BICD1: variants seen among roughly 807,000 people sequenced by gnomAD.
The protein encoded by BICD1 is protein bicaudal D homolog 1.
Under a neutral mutation model 92.5 loss-of-function variants are expected in BICD1, and 35 were observed. That is an observed-to-expected ratio of 0.38 (90% CI 0.29 to 0.50). The LOEUF (loss-of-function observed/expected upper bound fraction) is 0.50. Ranked by LOEUF, BICD1 falls within the 20% of genes least tolerant of loss-of-function variation. The pLI is 0.93. For missense variants in BICD1, 950 were observed against 1,189.8 expected, an observed-to-expected ratio of 0.80 and a Z score of 2.97; for synonymous variants, 429 against 465.1, an observed-to-expected ratio of 0.92 and a Z score of 1.00.
rs572627504 is a variant in BICD1, at chr12:32,267,800, C to T, written c.427-26194C>T. 1.9e-4 allele frequency among the ~76,000 whole-genome samples: 29 copies of T among 152,116 alleles called. 1 individual carries two copies. In the East Asian group the frequency reaches 5.2e-3, roughly 27 times the overall value. On this transcript the variant is annotated intron_variant, in intron 2 of 9. Transcript: ENST00000652176. ...TATTTTGTTTCATTGTCTGACTATC[C>T]TTTTTAAAATAAGTTTTTTTAGAGA... is the stretch of plus-strand genomic sequence containing the variant.
At chr12:32,206,535 G>C (rs999359840) in intron 1 of BICD1, among the ~76,000 whole-genome samples, 20 of 152,188 alleles carry the variant, frequency 1.3e-4, no homozygotes, top group Admixed American at 1.3e-3. Context: ...GAACCTGGGA[G>C]ATGGAGGTTG....
intron 8 of BICD1, among the ~76,000 whole-genome samples, chr12:32,362,514 T>C (rs892558126): frequency 1.3e-5 from 2 of 152,212 alleles, no homozygotes; most frequent in Admixed American, 6.5e-5. Context: ...CAATATTATC[T>C]TCATTCCTGT....
chr12:32,204,130 C>T (rs1944983552), intron 1 of BICD1, among the ~76,000 whole-genome samples: 1 of 152,098 alleles, frequency 6.6e-6, no homozygotes, highest in South Asian at 2.1e-4. Flanking sequence ...AGGTGGATTG[C>T]TTGAGCCCAG....
chr12:32,175,466 G>A (rs1272282437), intron 1 of BICD1, among the ~76,000 whole-genome samples: 2 of 152,136 alleles, frequency 1.3e-5, no homozygotes, highest in East Asian at 1.9e-4. Context: ...ACAGGTGCAC[G>A]CCACCAAGCC....
At chr12:32,147,605 T>C (rs1943153715) in intron 1 of BICD1, among the ~76,000 whole-genome samples, 2 of 152,258 alleles carry the variant, frequency 1.3e-5, no homozygotes, top group Admixed American at 1.3e-4. Context: ...TCAGAGTTTT[T>C]ATGTTGATAA....
At chr12:32,211,704 GAA>G (rs11326117) in intron 1 of BICD1, among the ~76,000 whole-genome samples, 1,850 of 139,560 alleles carry the variant, frequency 0.013, 38 homozygotes, top group African/African-American at 0.044. Context: ...AAACAGTTGT[GAA>G]AAAAAAAAAA....
chr12:32,366,792 T>G (rs1007773848), intron 8 of BICD1, among the ~76,000 whole-genome samples: 1 of 152,254 alleles, frequency 6.6e-6, no homozygotes, highest in Non-Finnish European at 1.5e-5. Flanking sequence ...AAAATCTTTT[T>G]GGAGAAATAT....
At chr12:32,304,556 T>G (rs569490143) in intron 3 of BICD1, among the ~76,000 whole-genome samples, 3 of 152,192 alleles carry the variant, frequency 2.0e-5, no homozygotes, top group African/African-American at 4.8e-5. Flanking sequence ...AGTGTACTTG[T>G]GGAGATAAAA....
At chr12:32,128,014 C>G (rs753556706) in intron 1 of BICD1, among the ~76,000 whole-genome samples, 24 of 151,942 alleles carry the variant, frequency 1.6e-4, no homozygotes, top group Non-Finnish European at 3.1e-4. Flanking sequence ...AGTGATTCTC[C>G]TGCCTCAGCC....
intron 1 of BICD1, among the ~76,000 whole-genome samples, chr12:32,214,271 TG>T (rs1322364721): frequency 1.3e-5 from 2 of 152,208 alleles, no homozygotes; most frequent in Non-Finnish European, 2.9e-5. Context: ...TTCTTTTTAC[TG>T]TAGACTGGTA....
intron 2 of BICD1, among the ~76,000 whole-genome samples, chr12:32,279,478 C>T (rs1947361184): frequency 6.6e-6 from 1 of 152,140 alleles, no homozygotes; most frequent in Non-Finnish European, 1.5e-5. Flanking sequence ...AATGTCAATA[C>T]GTATTCGTTT....
At chr12:32,300,629 G>GTTT (rs71445889) in intron 3 of BICD1, among the ~76,000 whole-genome samples, 3 of 108,300 alleles carry the variant, frequency 2.8e-5, no homozygotes, top group African/African-American at 3.5e-5. Context: ...TGACTTTACA[G>GTTT]TATTTTTTTT....
chr12:32,367,815 G>A (rs1250340127), intron 9 of BICD1, 70 bp downstream of exon 9: 33 of 1,384,744 alleles, frequency 2.4e-5, no homozygotes, highest in African/African-American at 4.3e-5. Flanking sequence ...TCCCCTTTCC[G>A]ACACCTGAAC....
intron 1 of BICD1, among the ~76,000 whole-genome samples, chr12:32,198,160 G>A (rs567637037): frequency 3.3e-5 from 5 of 151,704 alleles, no homozygotes; most frequent in Admixed American, 1.3e-4. Flanking sequence ...AGCTGAGATC[G>A]TGCCATTGTA....
chr12:32,362,623 C>T lies in BICD1; in HGVS notation c.2765-5047C>T, dbSNP rs186698722. On this transcript the variant is annotated intron_variant, in intron 8 of 9. Transcript: ENST00000652176. ...TCCTTCTGTTTCTTTGACTCTATGACCCTGATATTTTCTAGAGGTAGCTGG... is the reference window on the plus strand; with the variant it reads ...TCCTTCTGTTTCTTTGACTCTATGATCCTGATATTTTCTAGAGGTAGCTGG... Among the ~76,000 whole-genome samples, 4 of 152,240 alleles carry T rather than the reference C, an allele frequency of 2.6e-5. No individual in the cohort carries two copies. In the East Asian group the frequency reaches 7.7e-4, roughly 29 times the overall value.
At chr12:32,216,126 G>T in intron 1 of BICD1, 121 bp from the exon 2 acceptor site, 1 of 817,210 alleles carries the variant, frequency 1.2e-6, no homozygotes, top group Non-Finnish European at 1.9e-6. Flanking sequence ...GTTATATTTC[G>T]GGGGTCTTGC....
chr12:32,125,684 G>C (rs1942301496), intron 1 of BICD1, among the ~76,000 whole-genome samples: 1 of 152,136 alleles, frequency 6.6e-6, no homozygotes, highest in African/African-American at 2.4e-5. Context: ...TGGAATGAAT[G>C]AGTCGACTAC....
intron 3 of BICD1, among the ~76,000 whole-genome samples, chr12:32,298,569 CAAAA>C (rs56382132): frequency 1.3e-5 from 1 of 77,818 alleles, no homozygotes; most frequent in African/African-American, 5.9e-5. Context: ...CGATCCACCT[CAAAA>C]AAAAAAAAAA....
Position 32,121,928 on chromosome 12 carries a change from C to T in BICD1, c.213+14384C>T, listed in dbSNP as rs943820021. Among the ~76,000 whole-genome samples the T allele has an allele frequency of 2.2e-4, 34 of 151,856 alleles. 1 individual carries two copies. Among genetic ancestry groups the T allele is most frequent in the Admixed American group, 6.6e-5 (1 of 15,240 alleles). On this transcript the variant is annotated intron_variant, in intron 1 of 9. Transcript: ENST00000652176. ...TCCCAGGCTCAAGTGATCCTCCTGC[C>T]TCAGCCTCCTGAGTAGCTGGGACTA...
Sources: gnomAD v4.1 joint callset for allele counts (sites outside exome capture counted in the v4.1 genomes callset) on GRCh38, gnomAD v4.1.1 for gene constraint, MANE v1.5 for transcripts, NCBI Gene and HGNC (gene_info 2026-07-23, HGNC 2026-07-21) for gene names.